Variants in KIF26B observed in about 807,000 individuals in gnomAD.
KIF26B encodes the protein kinesin-like protein KIF26B.
A neutral mutation model predicts 151.2 loss-of-function variants in KIF26B; 63 were observed. The observed-to-expected ratio is 0.42, with a 90% CI of 0.34 to 0.51. The LOEUF (loss-of-function observed/expected upper bound fraction) is 0.51, where lower values mean the gene tolerates loss of function less well. Ranked by LOEUF, KIF26B falls within the 20% of genes least tolerant of loss-of-function variation. KIF26B has a pLI of 0.07. For synonymous variants in KIF26B, 1,357 were observed against 1,262.1 expected, an observed-to-expected ratio of 1.08 and a Z score of -1.59; for missense variants, 2,813 against 2,913.6, an observed-to-expected ratio of 0.97 and a Z score of 0.79.
In KIF26B at chr1:245,707,553, G is replaced by A. The variant is rs2044858328; in HGVS notation, c.*4947G>A. Reference sequence around the variant, plus strand: ...GTTGGAAATGCTATCCACGTGCCGTGCATCGAGGTGGAGATTTGCTGGATC... The same window carrying A: ...GTTGGAAATGCTATCCACGTGCCGTACATCGAGGTGGAGATTTGCTGGATC... On this transcript the variant is annotated 3_prime_UTR_variant, in exon 15 of 15. Coordinates refer to ENST00000407071, the MANE Select transcript of KIF26B (RefSeq NM_018012.4). 6.6e-6 allele frequency: 1 copy of A among 152,198 alleles called. No individual in the cohort carries two copies. Among genetic ancestry groups the A allele is most frequent in the Admixed American group, 6.5e-5 (1 of 15,290 alleles). The allele number at this position is 152,198 out of a possible 1,614,324, so 9.4% of individuals were successfully genotyped here. A position where few individuals can be genotyped will look rare whatever the true frequency, so the allele number is the denominator to read the frequency against.
chr1:245,158,960 T>G (rs1668491665), intron 2 of KIF26B, among the ~76,000 whole-genome samples: 1 of 152,158 alleles, frequency 6.6e-6, no homozygotes, highest in Non-Finnish European at 1.5e-5. Context: ...ACAGTTGCCA[T>G]GTTCTCTGGT....
At chr1:245,662,938 T>C (rs2044172444) in intron 10 of KIF26B, among the ~76,000 whole-genome samples, 1 of 149,646 alleles carries the variant, frequency 6.7e-6, no homozygotes, top group African/African-American at 2.5e-5. Context: ...TCCAGAGAGC[T>C]CTTGCTTGCT....
intron 2 of KIF26B, among the ~76,000 whole-genome samples, chr1:245,232,551 G>GTTTTTTTTTT (rs58620865): frequency 7.6e-6 from 1 of 131,792 alleles, no homozygotes. Context: ...GGTTTCATTT[G>GTTTTTTTTTT]TTTTTTTTTT....
chr1:245,567,789 G>A (rs1190366592), intron 5 of KIF26B, among the ~76,000 whole-genome samples: 1 of 152,168 alleles, frequency 6.6e-6, no homozygotes. Flanking sequence ...AACAGTGCAA[G>A]TAGAATAGGG....
At chr1:245,581,878 C>T (rs1352886042) in intron 5 of KIF26B, among the ~76,000 whole-genome samples, 1 of 149,890 alleles carries the variant, frequency 6.7e-6, no homozygotes, top group African/African-American at 2.5e-5. Context: ...GATTGGGCCA[C>T]TGCACTCCAG....
intron 4 of KIF26B, among the ~76,000 whole-genome samples, chr1:245,527,524 CTTTTTTTTTT>C (rs548422038): frequency 6.1e-4 from 31 of 50,714 alleles, no homozygotes; most frequent in Admixed American, 5.5e-3. Flanking sequence ...TTTGGGATGG[CTTTTTTTTTT>C]TTTTTTTTTT....
At chr1:245,657,907 G>C (rs531438140) in intron 10 of KIF26B, among the ~76,000 whole-genome samples, 76 of 152,254 alleles carry the variant, frequency 5.0e-4, no homozygotes, top group African/African-American at 1.7e-3. Context: ...AAAAATCTGT[G>C]TGCCCACCAC....
chr1:245,694,830 G>A (rs1198968435), intron 12 of KIF26B, among the ~76,000 whole-genome samples: 2 of 152,174 alleles, frequency 1.3e-5, no homozygotes, highest in African/African-American at 4.8e-5. Flanking sequence ...AATCCATGTC[G>A]GCAGGTATCA....
chr1:245,539,832 T>C (rs970113310), intron 4 of KIF26B, among the ~76,000 whole-genome samples: 16 of 152,102 alleles, frequency 1.1e-4, no homozygotes, highest in African/African-American at 3.9e-4. Flanking sequence ...TTTGTATTTT[T>C]AGTAGAGATG....
intron 4 of KIF26B, among the ~76,000 whole-genome samples, chr1:245,532,360 C>T (rs1168200900): frequency 6.6e-6 from 1 of 151,192 alleles, no homozygotes; most frequent in African/African-American, 2.4e-5. Flanking sequence ...ATTCTCCTGC[C>T]TCAGCCTCCC....
chr1:245,348,527 T>C (rs1672503311), intron 2 of KIF26B, among the ~76,000 whole-genome samples: 1 of 152,178 alleles, frequency 6.6e-6, no homozygotes, highest in South Asian at 2.1e-4. Flanking sequence ...GATGGCACAT[T>C]ATTGTGTTTT....
intron 9 of KIF26B, among the ~76,000 whole-genome samples, chr1:245,642,393 G>A (rs533172160): frequency 3.3e-5 from 5 of 151,936 alleles, no homozygotes; most frequent in Admixed American, 3.3e-4. Flanking sequence ...GCCAAGACTG[G>A]GCCTCCTCAG....
chr1:245,611,881 A>G lies in KIF26B; in HGVS notation c.2003A>G (p.Gln668Arg), dbSNP rs199839162. Residue 668 changes from glutamine (Q) to arginine (R), a missense_variant, in exon 9 of 15, where the codon CAA (glutamine) becomes CGA (arginine). By Grantham distance (43) the Gln-to-Arg change is conservative (BLOSUM62 1). Coordinates refer to ENST00000407071, the MANE Select transcript of KIF26B (RefSeq NM_018012.4). ...DAAIASRRSH[Q>R]QDCDEDDHRN... The stretch of plus-strand genomic sequence containing the variant: ...GCCATTGCCTCCCGCAGGAGCCACC[A>G]ACAGGACTGTGATGAGGACGACCAC... The G allele has an allele frequency of 7.0e-4, 1,134 of 1,613,834 alleles. 5 individuals are homozygous for G. Among genetic ancestry groups the G allele is most frequent in the Middle Eastern group, 3.1e-3 (19 of 6,062 alleles).
Position 245,262,954 on chromosome 1 carries a change from T to G in KIF26B, c.466-103880T>G, listed in dbSNP as rs562960835. ...ATCCCCATTAGTTCATATGTGTGTA[T>G]GTTAAAGCACTTAGAACCATACCTG... On this transcript the variant is annotated intron_variant, in intron 2 of 14. Coordinates refer to ENST00000407071, the MANE Select transcript of KIF26B (RefSeq NM_018012.4). Among the ~76,000 whole-genome samples, 5 of 152,350 alleles carry G rather than the reference T, an allele frequency of 3.3e-5. No individual in the cohort carries two copies. The South Asian group carries it at 1.0e-3, about 32-fold the overall frequency.
intron 2 of KIF26B, among the ~76,000 whole-genome samples, chr1:245,281,277 A>C (rs1420094500): frequency 1.3e-5 from 1 of 77,518 alleles, no homozygotes; most frequent in South Asian, 4.5e-4. Context: ...TTGTTTCCTG[A>C]CTTTTTAATG....
intron 2 of KIF26B, among the ~76,000 whole-genome samples, chr1:245,288,650 G>A (rs1671206101): frequency 1.3e-5 from 2 of 152,182 alleles, no homozygotes. Context: ...GTTCCGAATG[G>A]CTTAAGTCTA....
Position 245,241,353 on chromosome 1 carries a change from A to C in KIF26B, c.465+84670A>C, listed in dbSNP as rs910054587. 5.9e-5 allele frequency among the ~76,000 whole-genome samples: 9 copies of C among 152,130 alleles called. No individual in the cohort carries two copies. The highest frequency in any genetic ancestry group is 2.2e-4 in the African/African-American group (9 of 41,412). ...CATTTGGCCAGAGGGAGGCAGCTGG[A>C]TCGGCTTCTCCAGAGCCTGCTGGCT... On this transcript the variant is annotated intron_variant, in intron 2 of 14. Coordinates refer to ENST00000407071, the MANE Select transcript of KIF26B (RefSeq NM_018012.4). This position sits in a 1 kb window ranked among gnomAD's most constrained non-coding sequence, Gnocchi z 5.0.
chr1:245,585,432 G>A (rs900982221), intron 5 of KIF26B, among the ~76,000 whole-genome samples: 5 of 152,120 alleles, frequency 3.3e-5, no homozygotes, highest in Non-Finnish European at 7.4e-5. Context: ...TGGAGTATGA[G>A]TCAGAGGCAG....
chr1:245,341,318 T>G (rs1370171750), intron 2 of KIF26B, among the ~76,000 whole-genome samples: 3 of 72,002 alleles, frequency 4.2e-5, no homozygotes, highest in Non-Finnish European at 4.2e-5. Flanking sequence ...TTTTTTTTTT[T>G]TTTTTTTTTT....
Sources: gnomAD v4.1 joint callset for allele counts (sites outside exome capture counted in the v4.1 genomes callset) on GRCh38, gnomAD v4.1.1 for gene constraint, Gnocchi (gnomAD v3.1) non-coding constraint, MANE v1.5 for transcripts, NCBI Gene and HGNC (gene_info 2026-07-23, HGNC 2026-07-21) for gene names.